VPS16: variants seen among roughly 807,000 people sequenced by gnomAD.
VPS16 encodes vacuolar protein sorting-associated protein 16 homolog.
A neutral mutation model predicts 116.0 loss-of-function variants in VPS16; 82 were observed. The ratio of observed to expected loss-of-function variants is 0.71; its 90% CI spans 0.59 to 0.85. VPS16 has a LOEUF of 0.85. Ranked by LOEUF, VPS16 falls within the 40% of genes least tolerant of loss-of-function variation. The pLI is 0.00. For missense variants in VPS16, 928 were observed against 1,090.6 expected (o/e 0.85, Z 2.10); for synonymous variants, 406 against 420.7 (o/e 0.96, Z 0.43).
chr20:2,851,529 G>A (rs1213075730), intron 1 of VPS16, among the ~76,000 whole-genome samples: 1 of 152,092 alleles, frequency 6.6e-6, no homozygotes, highest in East Asian at 1.9e-4. Context: ...GGGCATGGTG[G>A]TGCGTGCCTG....
chr20:2,846,304 A>G (rs1339810592), intron 1 of VPS16, among the ~76,000 whole-genome samples: 3 of 151,870 alleles, frequency 2.0e-5, no homozygotes, highest in Non-Finnish European at 4.4e-5. Context: ...TTTAGTAGAA[A>G]TGGGGTTTCA....
chr20:2,842,847 T>TAGACATATAGATGTATCTATCGATAGAC (rs773945550), intron 1 of VPS16, among the ~76,000 whole-genome samples: 1 of 108,714 alleles, frequency 9.2e-6, no homozygotes, highest in South Asian at 3.8e-4. Flanking sequence ...TATCTATCGA[T>TAGACATATAGATGTATCTATCGATAGAC]AGATAGATGT....
In VPS16 at chr20:2,853,419, A is replaced by C. The variant is rs965978636; in HGVS notation, c.54-6300A>C. ...AAACAAACAACAACAAAAAAAAAAA[A>C]CCCACTTTCTTTGCTCATCCATAAG... On this transcript the variant is annotated intron_variant, in intron 1 of 23. Coordinates refer to ENST00000380445, the MANE Select transcript of VPS16 (RefSeq NM_022575.4). Among the ~76,000 whole-genome samples the C allele has an allele frequency of 6.8e-5, 10 of 146,546 alleles. No homozygotes were observed. The South Asian group carries it at 1.3e-3, about 19-fold the overall frequency.
intron 1 of VPS16, among the ~76,000 whole-genome samples, chr20:2,854,248 C>T (rs2146655923): frequency 6.6e-6 from 1 of 151,084 alleles, no homozygotes; most frequent in Non-Finnish European, 1.5e-5. Flanking sequence ...TACACACACA[C>T]ACACACACAC....
In VPS16 at chr20:2,859,731, G is replaced by A. The variant is rs374949227; in HGVS notation, c.66G>A (p.Leu22=). 1 of 1,613,692 alleles carries A rather than the reference G, an allele frequency of 6.2e-7. No homozygotes were observed. The highest frequency in any genetic ancestry group is 8.5e-7 in the Non-Finnish European group (1 of 1,179,830). Residue 22 remains leucine (L), a synonymous_variant, in exon 2 of 24, where the codon CTG becomes CTA. Coordinates refer to ENST00000380445, the MANE Select transcript of VPS16 (RefSeq NM_022575.4). ...TCTGTGTGGGCAGGAAATATGAGCT[G>A]TACAGCATGGACTGGGACCTGAAGG... ...GDSAFYRKYE[L]YSMDWDLKEE... is the part of the protein sequence containing the mutation.
chr20:2,856,325 G>A (rs1455281223), intron 1 of VPS16, among the ~76,000 whole-genome samples: 1 of 152,102 alleles, frequency 6.6e-6, no homozygotes. Flanking sequence ...AATTATAGTA[G>A]TAACATCACT....
chr20:2,861,150 G>A, intron 7 of VPS16, 58 bp downstream of exon 7: 1 of 1,614,168 alleles, frequency 6.2e-7, no homozygotes, highest in Non-Finnish European at 8.5e-7. Flanking sequence ...AAGATCTTTT[G>A]GTGATGCGGG....
In VPS16 at chr20:2,861,829, C is replaced by T; in HGVS notation, c.924C>T (p.Tyr308=). ...SIQFVLDEDS[Y]LVPELDGVRI... ...GGTTTGTGCTGGATGAGGACTCCTA[C>T]CTGGTGCCTGAGCTCGATGGGGTCC... is the stretch of plus-strand genomic sequence containing the variant. Residue 308 remains tyrosine (Y), a synonymous_variant, in exon 10 of 24, where the codon TAC becomes TAT. Transcript: ENST00000380445. 1.2e-6 allele frequency: 2 copies of T among 1,614,000 alleles called. No homozygotes were observed. Among genetic ancestry groups the T allele is most frequent in the Non-Finnish European group, 1.7e-6 (2 of 1,179,978 alleles).
rs1272555286 is a variant in VPS16 at position 2,865,288 on chromosome 20, G to A, written c.2145G>A (p.Leu715=). Residue 715 remains leucine (L), a synonymous_variant, in exon 21 of 24, where the codon CTG becomes CTA. Coordinates refer to ENST00000380445, the MANE Select transcript of VPS16 (RefSeq NM_022575.4). The surrounding 1 kb of genome is among the most constrained non-coding windows in gnomAD (Gnocchi z 5.2). ...GTCACAACAAGCGTGCAGAGCAGCT[G>A]GCACGTGACTTCCGCATCCCTGACA... ...LGGHNKRAEQ[L]ARDFRIPDKR... is the part of the protein sequence containing the mutation. 2.5e-6 allele frequency: 4 copies of A among 1,614,034 alleles called. No homozygotes were observed. In the African/African-American group the frequency reaches 4.0e-5, roughly 16 times the overall value.
In VPS16 at chr20:2,866,413, T is replaced by C; in HGVS notation, c.2376-17T>C. 1 of 1,614,118 alleles carries C rather than the reference T, an allele frequency of 6.2e-7. No homozygotes were observed. Among genetic ancestry groups the C allele is most frequent in the South Asian group, 1.1e-5 (1 of 91,088 alleles). ...TGAGCAGCCCCAACACCACCTCCTC[T>C]CTTGCTCAAACCACAGCGATGTGGC... On this transcript the variant is annotated splice_polypyrimidine_tract_variant and intron_variant, in intron 23 of 23. Transcript: ENST00000380445.
chr20:2,849,617 G>C (rs182512166), intron 1 of VPS16, among the ~76,000 whole-genome samples: 4 of 150,958 alleles, frequency 2.6e-5, no homozygotes, highest in East Asian at 1.9e-4. Context: ...ATTTTTTTTG[G>C]GGGGGGTGGG....
intron 23 of VPS16, 38 bp from the exon 24 acceptor site, chr20:2,866,392 C>G (rs1217632092): frequency 6.2e-7 from 1 of 1,614,036 alleles, no homozygotes; most frequent in Non-Finnish European, 8.5e-7. Flanking sequence ...TGCCCTTGAG[C>G]AGCCCCAACA....
chr20:2,850,701 C>T (rs148887017), intron 1 of VPS16, among the ~76,000 whole-genome samples: 2 of 152,048 alleles, frequency 1.3e-5, no homozygotes, highest in Admixed American at 1.3e-4. Flanking sequence ...GACATGGTAG[C>T]TCACGCCTGT....
intron 1 of VPS16, among the ~76,000 whole-genome samples, chr20:2,849,961 A>G (rs1300001772): frequency 1.3e-5 from 2 of 152,200 alleles, no homozygotes; most frequent in Non-Finnish European, 2.9e-5. Context: ...TTCTGGGACT[A>G]TTCCTTCTAT....
In VPS16 at chr20:2,862,873, G is replaced by A. The variant is rs772981516; in HGVS notation, c.1270G>A (p.Asp424Asn). 1.2e-6 allele frequency: 2 copies of A among 1,614,154 alleles called. No individual in the cohort carries two copies. The highest frequency in any genetic ancestry group is 1.7e-6 in the Non-Finnish European group (2 of 1,180,018). ...CGACAGCTTCGTGCACATGTGTCAG[G>A]ACCTGCGTGTGCTCAATGCTGTTCG... ...PPDSFVHMCQ[D>N]LRVLNAVRDY... is the part of the protein sequence containing the mutation. The change falls in exon 13 of 24, where the codon GAC becomes AAC. Residue 424 changes from aspartate to asparagine, a missense_variant. Physicochemically the swap from Asp to Asn is conservative, Grantham distance 23. Coordinates refer to ENST00000380445, the MANE Select transcript of VPS16 (RefSeq NM_022575.4).
chr20:2,840,892 C>T, intron 1 of VPS16, 65 bp downstream of exon 1: 1 of 1,490,480 alleles, frequency 6.7e-7, no homozygotes, highest in Admixed American at 2.0e-5. Context: ...CTGGAGTCTC[C>T]CGGCGGCGTT....
In VPS16 at chr20:2,860,568, A is replaced by G. The variant is rs772954352; in HGVS notation, c.489A>G (p.Lys163=). The part of the protein sequence containing the change: ...FTLSANVGDL[K]LRRMPEVPGL... ...TCAGTGCCAATGTGGGTGACCTCAA[A>G]CTCCGCCGGATGCCAGAGGTGCCAG... is the stretch of plus-strand genomic sequence containing the variant. Residue 163 remains lysine (K), a synonymous_variant, in exon 5 of 24, where the codon AAA becomes AAG. Transcript: ENST00000380445. This position sits in a 1 kb window ranked among gnomAD's most constrained non-coding sequence, Gnocchi z 6.1. The G allele has an allele frequency of 1.2e-6, 2 of 1,613,216 alleles. No individual in the cohort carries two copies. The highest frequency in any genetic ancestry group is 1.3e-5 in the African/African-American group (1 of 74,690).
Position 2,864,953 on chromosome 20 carries a change from C to G in VPS16, c.1927-25C>G. ...GCGAGGGTCCTGCATGCTGTGAGTT[C>G]AGGCCTTCCTTCTTGTCTTTATAGC... On this transcript the variant is annotated intron_variant, in intron 19 of 23. Coordinates refer to ENST00000380445, the MANE Select transcript of VPS16 (RefSeq NM_022575.4). This position sits in a 1 kb window ranked among gnomAD's most constrained non-coding sequence, Gnocchi z 5.2. 1 of 1,613,986 alleles carries G rather than the reference C, an allele frequency of 6.2e-7. No homozygotes were observed. The highest frequency in any genetic ancestry group is 8.5e-7 in the Non-Finnish European group (1 of 1,179,918).
chr20:2,865,580 C>A lies in VPS16; in HGVS notation c.2271+85C>A. ...CTAGGCAGGGAGACAGATAGGATGGCCCGTTCATGCTCCTGTTCAGCTGCC... is the reference window on the plus strand; with the variant it reads ...CTAGGCAGGGAGACAGATAGGATGGACCGTTCATGCTCCTGTTCAGCTGCC... On this transcript the variant is annotated intron_variant, in intron 22 of 23. Transcript: ENST00000380445. The surrounding 1 kb of genome is among the most constrained non-coding windows in gnomAD (Gnocchi z 5.2). The A allele has an allele frequency of 1.6e-6, 2 of 1,242,258 alleles. No individual in the cohort carries two copies. The highest frequency in any genetic ancestry group is 2.3e-6 in the Non-Finnish European group (2 of 883,418). The allele number at this position is 1,242,258 out of a possible 1,614,324, so 77.0% of individuals were successfully genotyped here.
Sources: gnomAD v4.1 joint callset for allele counts (sites outside exome capture counted in the v4.1 genomes callset) on GRCh38, gnomAD v4.1.1 for gene constraint, Gnocchi (gnomAD v3.1) non-coding constraint, MANE v1.5 for transcripts, NCBI Gene and HGNC (gene_info 2026-07-23, HGNC 2026-07-21) for gene names.